The following PIWIL1 variants were observed in gnomAD, a reference collection of about 807,000 sequenced individuals.
The protein encoded by PIWIL1 is piwi like RNA-mediated gene silencing 1.
In PIWIL1, 73 loss-of-function variants were observed where a neutral mutation model predicts 114.4. The observed-to-expected ratio is 0.64, with a 90% CI of 0.53 to 0.78. The LOEUF (loss-of-function observed/expected upper bound fraction) is 0.78. Ranked by LOEUF, PIWIL1 falls within the 30% of genes least tolerant of loss-of-function variation. The pLI, the probability that PIWIL1 is intolerant of heterozygous loss-of-function variation, is 0.00. For synonymous variants in PIWIL1, 375 were observed against 369.0 expected (o/e 1.02, Z -0.19); for missense variants, 723 against 1,063.1 (o/e 0.68, Z 4.45).
the PIWIL1 span, among the ~76,000 whole-genome samples, chr12:130,380,487 G>A: frequency 6.6e-6 from 1 of 152,238 alleles, no homozygotes; most frequent in African/African-American, 2.4e-5. Flanking sequence ...AAGGTGTCGG[G>A]GTGGAGGGGA....
At chr12:130,422,440 T>TGGG in the PIWIL1 span, 1 of 1,576,740 alleles carries the variant, frequency 6.3e-7, no homozygotes. This position sits in a 1 kb window ranked among gnomAD's most constrained non-coding sequence, Gnocchi z 5.2. Flanking sequence ...ACAGCGATGA[T>TGGG]GGGGCCACTA....
At chr12:130,364,217 G>T (rs182958684) in intron 18 of PIWIL1, among the ~76,000 whole-genome samples, 1 of 152,356 alleles carries the variant, frequency 6.6e-6, no homozygotes, top group African/African-American at 2.4e-5. Context: ...ATATTTGGAA[G>T]ATCTTGGATC....
At chr12:130,412,510 A>G in the PIWIL1 span, 2 of 1,037,740 alleles carry the variant, frequency 1.9e-6, no homozygotes, top group Non-Finnish European at 2.8e-6. Context: ...ACTTTGGCAT[A>G]TTTAAATGAT....
the PIWIL1 span, among the ~76,000 whole-genome samples, chr12:130,385,034 T>C: frequency 6.6e-6 from 1 of 152,162 alleles, no homozygotes; most frequent in Admixed American, 6.5e-5. Flanking sequence ...GTGCATTTTC[T>C]CTCCCTCTTC....
At chr12:130,361,773 C>T (rs192728032) in intron 16 of PIWIL1, among the ~76,000 whole-genome samples, 172 bp downstream of exon 16, 241 of 152,238 alleles carry the variant, frequency 1.6e-3, no homozygotes, top group African/African-American at 5.5e-3. Context: ...TGACTTTCAT[C>T]CTGTATTCGT....
intron 3 of PIWIL1, among the ~76,000 whole-genome samples, chr12:130,343,772 C>T (rs2072994678): frequency 6.6e-6 from 1 of 151,868 alleles, no homozygotes; most frequent in Admixed American, 6.6e-5. Flanking sequence ...ACTACAGGCG[C>T]CCACCACTGC....
At chr12:130,423,279 G>A in the PIWIL1 span, among the ~76,000 whole-genome samples, 29 of 152,198 alleles carry the variant, frequency 1.9e-4, no homozygotes, top group Non-Finnish European at 2.9e-4. Flanking sequence ...GGGATGAGGC[G>A]TGTCTGCTGC....
In PIWIL1 at chr12:130,356,843, A is replaced by C. The variant is rs2073377074; in HGVS notation, c.1405-75A>C. 5.9e-6 allele frequency: 6 copies of C among 1,016,108 alleles called. No homozygotes were observed. The East Asian group carries it at 1.5e-4, about 25-fold the overall frequency. The allele number at this position is 1,016,108 out of a possible 1,614,324, so 62.9% of individuals were successfully genotyped here. A position where few individuals can be genotyped will look rare whatever the true frequency, so the allele number is the denominator to read the frequency against. On this transcript the variant is annotated intron_variant, in intron 12 of 20. Coordinates refer to ENST00000245255, the MANE Select transcript of PIWIL1 (RefSeq NM_004764.5). ...TAAGTTTCAAAATATGCCATGGTAG[A>C]ATTATTGAAGACTGTTTGGCTTGAT...
chr12:130,409,206 A>C, the PIWIL1 span, among the ~76,000 whole-genome samples: 2 of 152,170 alleles, frequency 1.3e-5, no homozygotes, highest in African/African-American at 4.8e-5. Flanking sequence ...ACCCCACAAC[A>C]ATCAAGATAT....
the PIWIL1 span, among the ~76,000 whole-genome samples, chr12:130,392,096 A>G: frequency 0.066 from 406 of 6,160 alleles, 1 homozygote; most frequent in Middle Eastern, 0.25. Context: ...TCAGTTACCC[A>G]GTGAATATTG....
intron 2 of PIWIL1, 82 bp downstream of exon 2, chr12:130,342,751 G>C (rs2072959253): frequency 9.2e-7 from 1 of 1,081,502 alleles, no homozygotes; most frequent in African/African-American, 1.6e-5. Context: ...ACTAAAAACT[G>C]TGCTGGGAAG....
the PIWIL1 span, among the ~76,000 whole-genome samples, chr12:130,379,961 A>C: frequency 1.5e-5 from 1 of 68,824 alleles, no homozygotes. Context: ...TCAACTCCCT[A>C]ATCCCAATTC....
Position 130,363,052 on chromosome 12 carries a change from C to T in PIWIL1, c.2103C>T (p.Arg701=), listed in dbSNP as rs143082104. Residue 701 remains arginine, a synonymous_variant, in exon 18 of 21, where the codon CGC becomes CGT. Coordinates refer to ENST00000245255, the MANE Select transcript of PIWIL1 (RefSeq NM_004764.5). ...EYMPSRIIVY[R]DGVGDGQLKT... Reference sequence around the variant, plus strand: ...TGCCCAGCCGGATCATCGTGTACCGCGATGGCGTAGGAGACGGCCAGCTGA... The same window carrying T: ...TGCCCAGCCGGATCATCGTGTACCGTGATGGCGTAGGAGACGGCCAGCTGA... The T allele has an allele frequency of 7.5e-4, 1,210 of 1,614,208 alleles. 5 individuals are homozygous for T. Among genetic ancestry groups the T allele is most frequent in the Non-Finnish European group, 4.3e-4 (510 of 1,180,034 alleles).
chr12:130,423,311 G>A, the PIWIL1 span, among the ~76,000 whole-genome samples: 1 of 152,224 alleles, frequency 6.6e-6, no homozygotes, highest in Non-Finnish European at 1.5e-5. Context: ...CAGGGCAGGG[G>A]AGGCTGCGGG....
the PIWIL1 span, among the ~76,000 whole-genome samples, chr12:130,423,970 T>G: frequency 6.6e-6 from 1 of 152,090 alleles, no homozygotes; most frequent in Non-Finnish European, 1.5e-5. Flanking sequence ...TTCAGCATGG[T>G]CAAAAGGTTG....
chr12:130,378,993 C>T, the PIWIL1 span, among the ~76,000 whole-genome samples: 1 of 152,186 alleles, frequency 6.6e-6, no homozygotes, highest in Non-Finnish European at 1.5e-5. Context: ...CTGGTGAGGA[C>T]TTAACACTTC....
chr12:130,384,546 A>G, the PIWIL1 span, among the ~76,000 whole-genome samples: 3 of 152,230 alleles, frequency 2.0e-5, no homozygotes, highest in Non-Finnish European at 2.9e-5. Flanking sequence ...TTAATGACAT[A>G]CGTTGAATGG....
At chr12:130,405,103 C>T in the PIWIL1 span, among the ~76,000 whole-genome samples, 3 of 152,196 alleles carry the variant, frequency 2.0e-5, no homozygotes, top group South Asian at 4.2e-4. Flanking sequence ...TTTCTATCAC[C>T]TTGAAGGACC....
intron 20 of PIWIL1, 67 bp downstream of exon 20, chr12:130,371,390 T>C (rs770647332): frequency 1.9e-6 from 3 of 1,611,812 alleles, no homozygotes; most frequent in Non-Finnish European, 1.7e-6. Flanking sequence ...GAAATAGCTG[T>C]GGTTTAAAAG....
Sources: allele counts gnomAD v4.1 joint callset (sites outside exome capture counted in the v4.1 genomes callset), GRCh38; gene constraint gnomAD v4.1.1; non-coding constraint Gnocchi (gnomAD v3.1); transcripts MANE v1.5; gene names NCBI Gene and HGNC (gene_info 2026-07-23, HGNC 2026-07-21).